The following HIVEP3 variants were observed in gnomAD, a reference collection of about 807,000 sequenced individuals.
HIVEP3 encodes HIVEP zinc finger 3.
A neutral mutation model predicts 152.8 loss-of-function variants in HIVEP3; 49 were observed. That is an observed-to-expected ratio of 0.32 (90% confidence interval 0.26 to 0.41). The LOEUF (loss-of-function observed/expected upper bound fraction) is 0.41, where lower values mean the gene tolerates loss of function less well. Ranked by LOEUF, HIVEP3 falls within the 10% of genes least tolerant of loss-of-function variation. The probability of loss-of-function intolerance (pLI) is 1.00; values close to 1 mark genes in which losing one functional copy is unlikely to be tolerated. For missense variants in HIVEP3, 2,790 were observed against 3,103.3 expected (o/e 0.90, Z 2.40); for synonymous variants, 1,269 against 1,289.0 (o/e 0.98, Z 0.33).
intron 1 of HIVEP3, among the ~76,000 whole-genome samples, chr1:41,744,146 C>A (rs1479196130): frequency 6.6e-6 from 1 of 152,130 alleles, no homozygotes; most frequent in Admixed American, 6.5e-5. Context: ...TCAAGCGATT[C>A]TCCTGCCTCA....
chr1:41,563,071 G>A (rs908030558), intron 5 of HIVEP3, among the ~76,000 whole-genome samples: 1 of 151,506 alleles, frequency 6.6e-6, no homozygotes, highest in Admixed American at 6.6e-5. Flanking sequence ...GTGGGGGTCG[G>A]GCGCATGGCT....
chr1:41,836,533 AG>A (rs1297279157), intron 1 of HIVEP3, among the ~76,000 whole-genome samples: 1 of 152,212 alleles, frequency 6.6e-6, no homozygotes, highest in Non-Finnish European at 1.5e-5. Context: ...CCCATCAACA[AG>A]ACAATCTGAG....
intron 1 of HIVEP3, among the ~76,000 whole-genome samples, chr1:41,991,704 A>G (rs1001036899): frequency 7.3e-5 from 11 of 151,636 alleles, no homozygotes; most frequent in African/African-American, 1.5e-4. Flanking sequence ...AAAAAAGAGA[A>G]TTTTAGACCA....
chr1:41,562,067 T>A (rs950660190), intron 5 of HIVEP3, among the ~76,000 whole-genome samples: 1 of 152,234 alleles, frequency 6.6e-6, no homozygotes, highest in African/African-American at 2.4e-5. Context: ...TGAACACTTG[T>A]ATACTTTCTG....
chr1:41,629,020 G>A (rs1479912621), intron 2 of HIVEP3, 73 bp from the exon 3 acceptor site: 6 of 1,138,640 alleles, frequency 5.3e-6, no homozygotes, highest in Non-Finnish European at 6.6e-6. Flanking sequence ...AACAATCCCT[G>A]CCTGGTCCCT....
chr1:41,874,536 C>T (rs1207184372), intron 1 of HIVEP3, among the ~76,000 whole-genome samples: 1 of 152,198 alleles, frequency 6.6e-6, no homozygotes, highest in Non-Finnish European at 1.5e-5. Context: ...CTGCCAAACG[C>T]TTTCCTGCCC....
chr1:41,797,417 C>T (rs148954421), intron 1 of HIVEP3, among the ~76,000 whole-genome samples: 40 of 152,282 alleles, frequency 2.6e-4, no homozygotes, highest in African/African-American at 9.1e-4. Flanking sequence ...GTTTCTCTGC[C>T]TAAGATGAAT....
At chr1:41,796,586 A>G (rs145035733) in intron 1 of HIVEP3, among the ~76,000 whole-genome samples, 1 of 152,394 alleles carries the variant, frequency 6.6e-6, no homozygotes, top group East Asian at 1.9e-4. Flanking sequence ...GGAGTTTGGC[A>G]CATGCCAGGG....
At chr1:41,926,101 C>T (rs976926862) in intron 1 of HIVEP3, among the ~76,000 whole-genome samples, 2 of 152,056 alleles carry the variant, frequency 1.3e-5, no homozygotes, top group African/African-American at 4.8e-5. Context: ...TGCCATTTCA[C>T]CCTATACTGT....
intron 2 of HIVEP3, among the ~76,000 whole-genome samples, chr1:41,643,890 CTT>C (rs58838768): frequency 6.9e-5 from 5 of 71,968 alleles, no homozygotes; most frequent in African/African-American, 2.4e-4. Context: ...TTCCCATCCT[CTT>C]TTTTTTTTTT....
chr1:41,867,892 C>T (rs187375860), intron 1 of HIVEP3, among the ~76,000 whole-genome samples: 39 of 152,290 alleles, frequency 2.6e-4, no homozygotes, highest in African/African-American at 9.4e-4. Context: ...CAGCCACAGC[C>T]TCCCATCTGG....
chr1:41,914,910 G>T (rs1644848104), intron 1 of HIVEP3, among the ~76,000 whole-genome samples: 2 of 152,168 alleles, frequency 1.3e-5, no homozygotes, highest in Non-Finnish European at 2.9e-5. Flanking sequence ...ACAGGTTGAG[G>T]TTCATGAATA....
intron 1 of HIVEP3, among the ~76,000 whole-genome samples, chr1:41,826,729 G>C (rs113356913): frequency 0.011 from 1,742 of 152,308 alleles, 31 homozygotes; most frequent in African/African-American, 0.039. Flanking sequence ...TGCTGGAGAC[G>C]TGGTTGTGAG....
At position 41,510,829 on chromosome 1, in the gene HIVEP3, G is replaced by T; in HGVS notation, c.6843C>A (p.Thr2281=). 4.3e-6 allele frequency: 7 copies of T among 1,612,970 alleles called. No individual in the cohort carries two copies. Among genetic ancestry groups the T allele is most frequent in the Non-Finnish European group, 5.9e-6 (7 of 1,179,818 alleles). ...GGDYPKERER[T]GGGPGRPPDW... is the part of the protein sequence containing the mutation. ...CAGGAGGCCTGCCCGGGCCTCCGCCGGTCCTCTCCCTCTCCTTGGGGTAGT... is the reference window on the plus strand; with the variant it reads ...CAGGAGGCCTGCCCGGGCCTCCGCCTGTCCTCTCCCTCTCCTTGGGGTAGT... The change falls in exon 9 of 9, where the codon ACC becomes ACA. Residue 2281 remains threonine, a synonymous_variant. Coordinates refer to ENST00000372583, the MANE Select transcript of HIVEP3 (RefSeq NM_024503.5).
chr1:41,665,275 G>T (rs1280872965), intron 2 of HIVEP3, among the ~76,000 whole-genome samples: 1 of 152,210 alleles, frequency 6.6e-6, no homozygotes, highest in Non-Finnish European at 1.5e-5. Context: ...CCACCAGTCT[G>T]CAGAAAGGCA....
chr1:41,544,741 C>T (rs1483977033), intron 5 of HIVEP3, among the ~76,000 whole-genome samples: 2 of 137,942 alleles, frequency 1.4e-5, no homozygotes, highest in Admixed American at 1.4e-4. Context: ...GCTACCATCA[C>T]CACCACTACC....
At chr1:41,633,410 G>A (rs1010159094) in intron 2 of HIVEP3, among the ~76,000 whole-genome samples, 5 of 152,116 alleles carry the variant, frequency 3.3e-5, no homozygotes, top group African/African-American at 9.7e-5. Flanking sequence ...ATGGCAGGGC[G>A]GGCTGGAGTG....
At chr1:41,590,157 T>C (rs1203926872) in intron 3 of HIVEP3, among the ~76,000 whole-genome samples, 2 of 152,208 alleles carry the variant, frequency 1.3e-5, no homozygotes, top group Non-Finnish European at 2.9e-5. Flanking sequence ...ACAAGCCAGA[T>C]ATAAGCATAT....
intron 5 of HIVEP3, among the ~76,000 whole-genome samples, chr1:41,526,639 TC>T: frequency 1.5e-4 from 2 of 13,086 alleles, no homozygotes; most frequent in Non-Finnish European, 2.8e-4. Flanking sequence ...ACACACACCC[TC>T]ACACCCCCAC....
Sources: allele counts gnomAD v4.1 joint callset (sites outside exome capture counted in the v4.1 genomes callset), GRCh38; gene constraint gnomAD v4.1.1; transcripts MANE v1.5; gene names NCBI Gene and HGNC (gene_info 2026-07-23, HGNC 2026-07-21).